Variants in PPP2R5A observed in about 807,000 individuals in gnomAD.
PPP2R5A encodes protein phosphatase 2 regulatory subunit B'alpha.
PPP2R5A carries 25 observed loss-of-function variants against 64.2 expected under a neutral mutation model. The ratio of observed to expected loss-of-function variants is 0.39; its 90% CI spans 0.28 to 0.54. The LOEUF is 0.54. Ranked by LOEUF, PPP2R5A falls within the 20% of genes least tolerant of loss-of-function variation. PPP2R5A has a pLI of 0.67. For missense variants in PPP2R5A, 425 were observed against 576.3 expected (o/e 0.74, Z 2.69); for synonymous variants, 198 against 201.2 (o/e 0.98, Z 0.13).
chr1:212,300,020 G>A (rs1658771255), intron 1 of PPP2R5A, among the ~76,000 whole-genome samples: 1 of 152,102 alleles, frequency 6.6e-6, no homozygotes, highest in African/African-American at 2.4e-5. Context: ...TGCCATGTTG[G>A]CCATGCTGGT....
At chr1:212,341,983 C>T (rs1388241577) in intron 3 of PPP2R5A, among the ~76,000 whole-genome samples, 1 of 152,120 alleles carries the variant, frequency 6.6e-6, no homozygotes, top group African/African-American at 2.4e-5. Context: ...AAGGGATTCT[C>T]CCACCTCAGC....
At chr1:212,322,768 T>TTTATTTATTTAC (rs1659333161) in intron 1 of PPP2R5A, among the ~76,000 whole-genome samples, 1 of 149,598 alleles carries the variant, frequency 6.7e-6, no homozygotes, top group Non-Finnish European at 1.5e-5. Context: ...TATTTATTTA[T>TTTATTTATTTAC]TTATTTATTT....
In PPP2R5A at chr1:212,300,282, A is replaced by G. The variant is rs546358840; in HGVS notation, c.181+13991A>G. ...ATATTTTTAAGAACTAATTTTTTTAAGATCTGGAGAAGTAACTTCTATAGA... is the reference window on the plus strand; with the variant it reads ...ATATTTTTAAGAACTAATTTTTTTAGGATCTGGAGAAGTAACTTCTATAGA... On this transcript the variant is annotated intron_variant, in intron 1 of 12. Transcript: ENST00000261461. Among the ~76,000 whole-genome samples the G allele has an allele frequency of 3.0e-4, 46 of 152,320 alleles. 1 individual carries two copies. The highest frequency in any genetic ancestry group is 6.8e-3 in the Middle Eastern group (2 of 294).
chr1:212,360,099 T>C (rs1362390121), intron 12 of PPP2R5A, among the ~76,000 whole-genome samples: 1 of 152,200 alleles, frequency 6.6e-6, no homozygotes, highest in East Asian at 1.9e-4. Context: ...ATATGAAATA[T>C]TTTGACCTTC....
In PPP2R5A at chr1:212,320,564, C is replaced by T. The variant is rs563082272; in HGVS notation, c.182-8571C>T. ...TCACCTCCCAGACGGGGCGGCTGTC[C>T]GGGCGGGGGGCTGACCCCCCCGCCT... On this transcript the variant is annotated intron_variant, in intron 1 of 12. Coordinates refer to ENST00000261461, the MANE Select transcript of PPP2R5A (RefSeq NM_006243.4). Among the ~76,000 whole-genome samples, 25 of 146,050 alleles carry T rather than the reference C, an allele frequency of 1.7e-4. No homozygotes were observed. The South Asian group carries it at 4.7e-3, about 27-fold the overall frequency.
At chr1:212,358,639 C>T (rs758717312) in intron 11 of PPP2R5A, 47 bp from the exon 12 acceptor site, 17 of 1,363,798 alleles carry the variant, frequency 1.2e-5, no homozygotes, top group Non-Finnish European at 1.7e-5. Flanking sequence ...TACATTTCCT[C>T]TCTGTTAGCA....
At chr1:212,345,028 G>T (rs1422160738) in intron 4 of PPP2R5A, among the ~76,000 whole-genome samples, 1 of 152,098 alleles carries the variant, frequency 6.6e-6, no homozygotes, top group African/African-American at 2.4e-5. Context: ...AGCTGGGTGT[G>T]GTGGCATGTG....
At chr1:212,349,465 A>ATG (rs1268819698) in intron 8 of PPP2R5A, among the ~76,000 whole-genome samples, 3 of 152,152 alleles carry the variant, frequency 2.0e-5, no homozygotes, top group Non-Finnish European at 2.9e-5. Context: ...TACTATTAAT[A>ATG]TGTAGTAGTT....
chr1:212,350,423 G>A (rs918717927), intron 8 of PPP2R5A, among the ~76,000 whole-genome samples: 4 of 152,148 alleles, frequency 2.6e-5, no homozygotes, highest in Non-Finnish European at 5.9e-5. Flanking sequence ...GGAGGCTGAG[G>A]CAGGCAGATA....
At chr1:212,300,677 A>C (rs1658785623) in intron 1 of PPP2R5A, among the ~76,000 whole-genome samples, 1 of 152,148 alleles carries the variant, frequency 6.6e-6, no homozygotes, top group African/African-American at 2.4e-5. Flanking sequence ...GAATGAAAAA[A>C]TATTAGAATC....
intron 3 of PPP2R5A, 104 bp from the exon 4 acceptor site, chr1:212,342,084 C>A: frequency 7.0e-7 from 1 of 1,428,416 alleles, no homozygotes; most frequent in East Asian, 2.4e-5. Flanking sequence ...TCTGAAATCT[C>A]CCCACTAAGT....
intron 8 of PPP2R5A, among the ~76,000 whole-genome samples, chr1:212,351,905 A>T (rs1191420739): frequency 6.6e-6 from 1 of 151,990 alleles, no homozygotes; most frequent in East Asian, 1.9e-4. Context: ...AAAACAAAAC[A>T]AAACACCGTT....
intron 1 of PPP2R5A, among the ~76,000 whole-genome samples, chr1:212,303,305 C>A (rs1006684011): frequency 6.6e-6 from 1 of 152,178 alleles, no homozygotes; most frequent in Admixed American, 6.5e-5. Flanking sequence ...ACTAGTATCT[C>A]TTCGTGGTTA....
At chr1:212,355,786 G>A (rs1462525588) in intron 8 of PPP2R5A, among the ~76,000 whole-genome samples, 1 of 152,026 alleles carries the variant, frequency 6.6e-6, no homozygotes, top group Admixed American at 6.6e-5. Flanking sequence ...TAATGCAAGT[G>A]TTTTCAACTT....
chr1:212,360,482 A>G (rs1660060397), intron 12 of PPP2R5A, among the ~76,000 whole-genome samples, 156 bp from the exon 13 acceptor site: 1 of 152,220 alleles, frequency 6.6e-6, no homozygotes, highest in Non-Finnish European at 1.5e-5. Flanking sequence ...TGACAAGAAG[A>G]AATTAGGTGC....
At chr1:212,342,898 T>G in intron 4 of PPP2R5A, among the ~76,000 whole-genome samples, 1 of 152,226 alleles carries the variant, frequency 6.6e-6, no homozygotes, top group Middle Eastern at 3.4e-3. Flanking sequence ...AACCTACATA[T>G]TCACAATTTC....
intron 8 of PPP2R5A, among the ~76,000 whole-genome samples, chr1:212,353,537 A>G (rs1176985897): frequency 6.6e-6 from 1 of 152,034 alleles, no homozygotes; most frequent in Non-Finnish European, 1.5e-5. Flanking sequence ...TTCCCATGGA[A>G]CTGAAAGGCC....
intron 3 of PPP2R5A, among the ~76,000 whole-genome samples, chr1:212,334,713 TG>T (rs145263420): frequency 6.6e-6 from 1 of 152,340 alleles, no homozygotes; most frequent in East Asian, 1.9e-4. Flanking sequence ...TCATCCCATT[TG>T]TCTTCTTACG....
intron 8 of PPP2R5A, among the ~76,000 whole-genome samples, chr1:212,349,601 A>G (rs1342624300): frequency 7.9e-5 from 12 of 152,170 alleles, no homozygotes; most frequent in Admixed American, 7.9e-4. Context: ...TCCCAAAACT[A>G]CTACTCCCTT....
Sources: allele counts gnomAD v4.1 joint callset (sites outside exome capture counted in the v4.1 genomes callset), GRCh38; gene constraint gnomAD v4.1.1; transcripts MANE v1.5; gene names NCBI Gene and HGNC (gene_info 2026-07-23, HGNC 2026-07-21).